Variants in DOCK1 observed in about 807,000 individuals in gnomAD.
The protein encoded by DOCK1 is dedicator of cytokinesis protein 1.
A neutral mutation model predicts 262.7 loss-of-function variants in DOCK1; 138 were observed. That is an observed-to-expected ratio of 0.53 (90% CI 0.46 to 0.61). DOCK1 has a LOEUF of 0.61. DOCK1 is among the 20% of genes least tolerant of loss of function. The probability of loss-of-function intolerance (pLI) is 0.00; values close to 1 mark genes in which losing one functional copy is unlikely to be tolerated. For missense variants in DOCK1, 1,908 were observed against 2,370.7 expected (o/e 0.80, Z 4.05); for synonymous variants, 866 against 867.4 (o/e 1.00, Z 0.03).
intron 1 of DOCK1, among the ~76,000 whole-genome samples, chr10:126,959,605 AGAGCCAGCGT>A (rs1166975057): frequency 6.6e-6 from 1 of 152,232 alleles, no homozygotes; most frequent in Non-Finnish European, 1.5e-5. Flanking sequence ...GCCCTGGATC[AGAGCCAGCGT>A]GACCTCCTCA....
intron 27 of DOCK1, among the ~76,000 whole-genome samples, chr10:127,220,182 G>A (rs1208659150): frequency 6.6e-6 from 1 of 151,636 alleles, no homozygotes; most frequent in Non-Finnish European, 1.5e-5. Flanking sequence ...TAAATGGGAA[G>A]TTGTCTGTCT....
chr10:127,083,870 G>A (rs535611964), intron 23 of DOCK1, among the ~76,000 whole-genome samples: 2 of 152,312 alleles, frequency 1.3e-5, no homozygotes, highest in South Asian at 2.1e-4. Flanking sequence ...TTGCTTTAAC[G>A]TAGGGTTAGG....
intron 2 of DOCK1, among the ~76,000 whole-genome samples, chr10:126,972,455 G>A (rs1452458130): frequency 6.6e-6 from 1 of 152,090 alleles, no homozygotes; most frequent in African/African-American, 2.4e-5. Context: ...ATTGTTGTCG[G>A]CTTAATTTCC....
chr10:127,346,295 A>G (rs1477741836), intron 31 of DOCK1, among the ~76,000 whole-genome samples: 1 of 152,216 alleles, frequency 6.6e-6, no homozygotes, highest in Non-Finnish European at 1.5e-5. Flanking sequence ...GCCTAAGGCA[A>G]CATCAAGACA....
In DOCK1 at chr10:127,215,732, GA is replaced by G. The variant is rs553603193; in HGVS notation, c.2848-32269del. ...AATTGACCTAAAGAAAAATAAGTAG[GA>G]AAAAAAGTCCTACCTACATATGGGA... On this transcript the variant is annotated intron_variant, in intron 27 of 51. Coordinates refer to ENST00000623213, the MANE Select transcript of DOCK1 (RefSeq NM_001290223.2). Among the ~76,000 whole-genome samples, 33 of 151,942 alleles carry G rather than the reference GA, an allele frequency of 2.2e-4. 2 individuals are homozygous for G. The South Asian group carries it at 5.4e-3, about 25-fold the overall frequency.
intron 23 of DOCK1, among the ~76,000 whole-genome samples, chr10:127,103,874 C>G (rs1207272444): frequency 2.0e-5 from 3 of 152,202 alleles, no homozygotes; most frequent in Non-Finnish European, 4.4e-5. Flanking sequence ...CTGCTGAACT[C>G]TCTTCTAAAG....
Position 127,175,266 on chromosome 10 carries a change from T to C in DOCK1, c.2847+47502T>C. On this transcript the variant is annotated intron_variant, in intron 27 of 51. Transcript: ENST00000623213. The surrounding 1 kb of genome is among the most constrained non-coding windows in gnomAD (Gnocchi z 6.3). Reference sequence around the variant, plus strand: ...CTCCTGAATGACCCCCAAGAGCACTTTGATGGTTTCTTGGCTTGAACTGAT... The same window carrying C: ...CTCCTGAATGACCCCCAAGAGCACTCTGATGGTTTCTTGGCTTGAACTGAT... The C allele has an allele frequency of 6.2e-7, 1 of 1,614,182 alleles. No homozygotes were observed. The highest frequency in any genetic ancestry group is 2.2e-5 in the East Asian group (1 of 44,876).
intron 1 of DOCK1, among the ~76,000 whole-genome samples, chr10:126,969,700 G>C (rs1485796963): frequency 3.9e-5 from 6 of 152,220 alleles, no homozygotes; most frequent in Admixed American, 3.9e-4. Context: ...ACCCAAAGAT[G>C]TGGGCTGGAC....
At chr10:127,071,099 A>G (rs1403600532) in intron 23 of DOCK1, among the ~76,000 whole-genome samples, 2 of 152,156 alleles carry the variant, frequency 1.3e-5, no homozygotes, top group Admixed American at 6.6e-5. Context: ...AGAAGGAACG[A>G]GGGAAGTGAA....
intron 24 of DOCK1, among the ~76,000 whole-genome samples, chr10:127,108,393 C>G (rs1303288855): frequency 6.6e-6 from 1 of 152,108 alleles, no homozygotes; most frequent in East Asian, 1.9e-4. Flanking sequence ...CGAGACCAAC[C>G]TGGCCAGCAT....
At position 126,947,330 on chromosome 10, in the gene DOCK1, A is replaced by G. The variant is rs968697979; in HGVS notation, c.47-23372A>G. 1.7e-3 allele frequency among the ~76,000 whole-genome samples: 252 copies of G among 146,628 alleles called. 2 individuals carry two copies. The highest frequency in any genetic ancestry group is 6.0e-3 in the African/African-American group (236 of 39,202). On this transcript the variant is annotated intron_variant, in intron 1 of 51. Transcript: ENST00000623213. ...GTTGGTGGTGATGGTGGTGGTTGGT[A>G]GTATTACTGTTGGTGATGGTGGTGG...
intron 28 of DOCK1, among the ~76,000 whole-genome samples, chr10:127,251,575 C>T (rs1322745126): frequency 7.6e-6 from 1 of 131,052 alleles, no homozygotes; most frequent in African/African-American, 2.9e-5. Flanking sequence ...TGTTCCCCTT[C>T]CTGTGTCCAT....
rs534978407 is a variant in DOCK1 at position 127,137,733 on chromosome 10, G to A, written c.2847+9969G>A. 133 of 1,084,686 alleles carry A rather than the reference G, an allele frequency of 1.2e-4. No individual in the cohort carries two copies. In the African/African-American group the frequency reaches 1.9e-3, roughly 16 times the overall value. 67.2% of individuals were successfully genotyped at this position (1,084,686 alleles called of 1,614,324 possible). A position where few individuals can be genotyped will look rare whatever the true frequency, so the allele number is the denominator to read the frequency against. On this transcript the variant is annotated intron_variant, in intron 27 of 51. Coordinates refer to ENST00000623213, the MANE Select transcript of DOCK1 (RefSeq NM_001290223.2). ...GCAGGGCGAGAAGTGGGAGGTGCCTGAATGGGCACCACAGTTCCCTCGATC... is the reference window on the plus strand; with the variant it reads ...GCAGGGCGAGAAGTGGGAGGTGCCTAAATGGGCACCACAGTTCCCTCGATC...
chr10:127,296,184 G>A (rs1056620887), intron 29 of DOCK1, among the ~76,000 whole-genome samples: 1 of 152,148 alleles, frequency 6.6e-6, no homozygotes, highest in African/African-American at 2.4e-5. Context: ...TGACTGTGCC[G>A]CATGCCATTC....
chr10:127,003,601 C>T (rs541987871), intron 10 of DOCK1, among the ~76,000 whole-genome samples: 1 of 152,256 alleles, frequency 6.6e-6, no homozygotes, highest in African/African-American at 2.4e-5. Flanking sequence ...GCCTTTGTGG[C>T]CTCTGTGCTC....
chr10:127,366,671 G>A (rs1197325996), intron 33 of DOCK1, among the ~76,000 whole-genome samples: 4 of 128,378 alleles, frequency 3.1e-5, no homozygotes, highest in African/African-American at 1.2e-4. Context: ...CCCTATTGTC[G>A]GTGATGTGGG....
At chr10:126,956,110 C>T (rs879095118) in intron 1 of DOCK1, among the ~76,000 whole-genome samples, 100,866 of 152,100 alleles carry the variant, frequency 0.66, 34,352 homozygotes, top group Non-Finnish European at 0.75. Flanking sequence ...CTGCAGCCGG[C>T]GCATCTGGGC....
At chr10:127,447,197 C>G (rs531403940) in intron 50 of DOCK1, among the ~76,000 whole-genome samples, 197 bp from the exon 51 acceptor site, 1 of 152,234 alleles carries the variant, frequency 6.6e-6, no homozygotes, top group Non-Finnish European at 1.5e-5. Context: ...CTTTCTAGAA[C>G]ATTGCCGTTA....
chr10:127,219,561 T>C (rs2058342394), intron 27 of DOCK1, among the ~76,000 whole-genome samples: 1 of 152,180 alleles, frequency 6.6e-6, no homozygotes. Context: ...CATTCACATT[T>C]GTGCATGACT....
Sources: allele counts gnomAD v4.1 joint callset (sites outside exome capture counted in the v4.1 genomes callset), GRCh38; gene constraint gnomAD v4.1.1; non-coding constraint Gnocchi (gnomAD v3.1); transcripts MANE v1.5; gene names NCBI Gene and HGNC (gene_info 2026-07-23, HGNC 2026-07-21).